DMD: variants seen among roughly 807,000 people sequenced by gnomAD.
The protein encoded by DMD is mutant dystrophin.
In DMD, 63 loss-of-function variants were observed where a neutral mutation model predicts 330.1. That is an observed-to-expected ratio of 0.19 (90% CI 0.16 to 0.24). The LOEUF (loss-of-function observed/expected upper bound fraction) is 0.24, where lower values mean the gene tolerates loss of function less well. DMD is among the 10% of genes least tolerant of loss of function. The pLI, the probability that DMD is intolerant of heterozygous loss-of-function variation, is 1.00. For synonymous variants in DMD, 1,223 were observed against 959.8 expected, an observed-to-expected ratio of 1.27 and a Z score of -5.07; for missense variants, 3,344 against 2,684.1, an observed-to-expected ratio of 1.25 and a Z score of -5.43.
At chrX:32,648,650 C>G (rs1027442031) in intron 9 of DMD, among the ~76,000 whole-genome samples, 1 of 111,066 alleles carries the variant, frequency 9.0e-6, no homozygotes, top group Non-Finnish European at 1.9e-5. Flanking sequence ...CTAAGCAAAC[C>G]GACGAAAAAA....
rs186396418 is a variant in DMD, at chrX:31,469,729, G to A, written c.8937+8377C>T. 2.7e-5 allele frequency among the ~76,000 whole-genome samples: 3 copies of A among 111,671 alleles called. No homozygotes were observed. In the East Asian group the frequency reaches 8.5e-4, roughly 31 times the overall value. On this transcript the variant is annotated intron_variant, in intron 59 of 78. Transcript: ENST00000357033. ...GAATGTTGGCCTGTCTTGCTAGGTT[G>A]GGGAAGTTCTCCTGGATAATAACCT...
rs200778646 is a variant in DMD at position 32,586,962 on chromosome X, G to GT, written c.1602+8794dup. Among the ~76,000 whole-genome samples, 829 of 111,112 alleles carry GT rather than the reference G, an allele frequency of 7.5e-3. 7 individuals carry two copies. Among genetic ancestry groups the GT allele is most frequent in the African/African-American group, 0.026 (788 of 30,658 alleles). On this transcript the variant is annotated intron_variant, in intron 13 of 78. Coordinates refer to ENST00000357033, the MANE Select transcript of DMD (RefSeq NM_004006.3). ...GTGGATTATTTCCATCACATTTAAA[G>GT]TTTTTTTTAAATGCATTTAATTCAC...
At chrX:31,775,390 G>A (rs757661325) in intron 50 of DMD, among the ~76,000 whole-genome samples, 2 of 111,191 alleles carry the variant, frequency 1.8e-5, no homozygotes, top group Non-Finnish European at 3.8e-5. Context: ...AATACTTGGG[G>A]AGTAGTCAGT....
At chrX:33,219,962 T>A (rs767402668) in intron 1 of DMD, among the ~76,000 whole-genome samples, 75 of 110,150 alleles carry the variant, frequency 6.8e-4, no homozygotes, top group Non-Finnish European at 1.2e-3. Flanking sequence ...GGATGGTGAG[T>A]CACCTAGCAA....
intron 44 of DMD, among the ~76,000 whole-genome samples, chrX:32,142,529 T>G (rs1475449568): frequency 1.8e-5 from 2 of 112,418 alleles, no homozygotes; most frequent in African/African-American, 6.5e-5. Flanking sequence ...CCCTTCTTCA[T>G]TAACACAGGA....
At chrX:32,509,322 T>C (rs1398592275) in intron 18 of DMD, among the ~76,000 whole-genome samples, 4 of 110,954 alleles carry the variant, frequency 3.6e-5, no homozygotes, top group Admixed American at 9.6e-5. Context: ...GTTGGATCAG[T>C]AGTTCCTAAA....
At chrX:32,050,619 A>G (rs1441003107) in intron 44 of DMD, among the ~76,000 whole-genome samples, 1 of 111,511 alleles carries the variant, frequency 9.0e-6, no homozygotes, top group Non-Finnish European at 1.9e-5. Context: ...TTGATTGTAA[A>G]TGTAAACCTT....
chrX:31,564,561 T>G (rs750533662), intron 55 of DMD, among the ~76,000 whole-genome samples: 1 of 112,270 alleles, frequency 8.9e-6, no homozygotes, highest in South Asian at 3.7e-4. Flanking sequence ...ATTTTATACC[T>G]TTTTGTAAAT....
rs199865847 is a variant in DMD, at chrX:31,618,247, GAAGA to G, written c.8217+9422_8217+9425del. Among the ~76,000 whole-genome samples, 364 of 97,442 alleles carry G rather than the reference GAAGA, an allele frequency of 3.7e-3. 4 individuals are homozygous for G. Among genetic ancestry groups the G allele is most frequent in the East Asian group, 0.023 (71 of 3,108 alleles). 84.6% of individuals were successfully genotyped at this position (97,442 alleles called of 115,157 possible). On this transcript the variant is annotated intron_variant, in intron 55 of 78. Coordinates refer to ENST00000357033, the MANE Select transcript of DMD (RefSeq NM_004006.3). ...AAAATAAAAGTGAAAAAAAAAAAAA[GAAGA>G]AAGAAAGAGGAAGGAATGAGTGCTT...
rs2085511031 is a variant in DMD, at chrX:31,721,684, CACTCTCTCTCTCTCTCT to C, written c.7660+7930_7660+7946del. Among the ~76,000 whole-genome samples the C allele has an allele frequency of 1.8e-3, 126 of 68,497 alleles. 1 individual carries two copies. The highest frequency in any genetic ancestry group is 8.0e-3 in the Middle Eastern group (1 of 125). The allele number at this position is 68,497 out of a possible 115,157, so 59.5% of individuals were successfully genotyped here. A position where few individuals can be genotyped will look rare whatever the true frequency, so the allele number is the denominator to read the frequency against. On this transcript the variant is annotated intron_variant, in intron 52 of 78. Coordinates refer to ENST00000357033, the MANE Select transcript of DMD (RefSeq NM_004006.3). ...TTATTACCAATCTCTCTCTCTCTCT[CACTCTCTCTCTCTCTCT>C]CTCTCTCTCTCTCTCTCTATATATA...
chrX:32,044,720 C>T lies in DMD; in HGVS notation c.6439-76206G>A, dbSNP rs747126698. On this transcript the variant is annotated intron_variant, in intron 44 of 78. Coordinates refer to ENST00000357033, the MANE Select transcript of DMD (RefSeq NM_004006.3). Reference sequence around the variant, plus strand: ...TACAGGCGTGAGCCTCCGCACCCAGCCTATATCATTGTTATTACTATCGTT... The same window carrying T: ...TACAGGCGTGAGCCTCCGCACCCAGTCTATATCATTGTTATTACTATCGTT... 9.9e-4 allele frequency among the ~76,000 whole-genome samples: 111 copies of T among 112,156 alleles called. No individual in the cohort carries two copies. The East Asian group carries it at 0.012, about 12-fold the overall frequency.
chrX:32,006,781 G>A (rs1209264495), intron 44 of DMD, among the ~76,000 whole-genome samples: 1 of 109,532 alleles, frequency 9.1e-6, no homozygotes, highest in East Asian at 2.9e-4. Context: ...GTCCTTTTGC[G>A]GCACTATTCA....
At chrX:32,832,933 A>G (rs747673799) in intron 4 of DMD, among the ~76,000 whole-genome samples, 1 of 111,400 alleles carries the variant, frequency 9.0e-6, no homozygotes, top group South Asian at 3.7e-4. Context: ...ATTCAGATAT[A>G]GAAATTTACA....
intron 61 of DMD, among the ~76,000 whole-genome samples, chrX:31,325,325 C>A (rs2056703553): frequency 1.8e-5 from 2 of 109,316 alleles, no homozygotes; most frequent in Non-Finnish European, 3.8e-5. Flanking sequence ...TAAGGCCAGG[C>A]GTGGTGGCTC....
chrX:32,543,298 C>G (rs2048659909), intron 17 of DMD, among the ~76,000 whole-genome samples: 1 of 110,553 alleles, frequency 9.0e-6, no homozygotes, highest in Admixed American at 9.7e-5. Context: ...ACTAGCCACT[C>G]TTTCCTGAAA....
intron 43 of DMD, among the ~76,000 whole-genome samples, chrX:32,277,835 A>G (rs772827903): frequency 2.3e-4 from 25 of 111,067 alleles, no homozygotes; most frequent in Non-Finnish European, 1.9e-5. Context: ...AGAAATTTAC[A>G]GCTGTAGGTG....
At chrX:32,040,424 A>C (rs148128595) in intron 44 of DMD, among the ~76,000 whole-genome samples, 1,790 of 112,298 alleles carry the variant, frequency 0.016, 40 homozygotes, top group African/African-American at 0.055. Context: ...CACTCTGTGG[A>C]AGAAGGAAAT....
At chrX:31,233,334 C>A (rs1027153665) in intron 63 of DMD, among the ~76,000 whole-genome samples, 1 of 111,914 alleles carries the variant, frequency 8.9e-6, no homozygotes, top group Non-Finnish European at 1.9e-5. Flanking sequence ...ATTAACGAAT[C>A]TTAACAGTCT....
intron 29 of DMD, among the ~76,000 whole-genome samples, chrX:32,422,844 T>C (rs535855872): frequency 2.7e-5 from 3 of 111,296 alleles, no homozygotes; most frequent in South Asian, 3.7e-4. Flanking sequence ...GATTATTCAA[T>C]CTCAAGAATC....
Sources: allele counts gnomAD v4.1 joint callset (sites outside exome capture counted in the v4.1 genomes callset), GRCh38; gene constraint gnomAD v4.1.1; transcripts MANE v1.5; gene names NCBI Gene and HGNC (gene_info 2026-07-23, HGNC 2026-07-21).